TMEM120A: variants seen among roughly 807,000 people sequenced by gnomAD.
The protein encoded by TMEM120A is ion channel TACAN.
In TMEM120A, 45 loss-of-function variants were observed where a neutral mutation model predicts 54.3. That is an observed-to-expected ratio of 0.83 (90% CI 0.65 to 1.06). TMEM120A has a LOEUF of 1.06. TMEM120A is among the 50% of genes least tolerant of loss of function. The pLI is 0.00. For missense variants in TMEM120A, 424 were observed against 441.7 expected (o/e 0.96, Z 0.36); for synonymous variants, 204 against 178.5 (o/e 1.14, Z -1.14).
Position 75,989,038 on chromosome 7 carries a change from G to GGGGACGGCT in TMEM120A, c.377+126_377+127insAGCCGTCCC. On this transcript the variant is annotated intron_variant, in intron 4 of 11. Coordinates refer to ENST00000493111, the MANE Select transcript of TMEM120A (RefSeq NM_031925.3). ...GGGGTGGAGGGGAAGGCCGGGTTGG[G>GGGGACGGCT]GGGTGGAGGGGAAGGCCGGGTTCCG... 14 of 306,260 alleles carry GGGGACGGCT rather than the reference G, an allele frequency of 4.6e-5. 3 individuals carry two copies. The highest frequency in any genetic ancestry group is 6.2e-5 in the Non-Finnish European group (10 of 160,948). 19.0% of individuals were successfully genotyped at this position (306,260 alleles called of 1,614,324 possible).
intron 8 of TMEM120A, 51 bp from the exon 9 acceptor site, chr7:75,987,861 C>T: frequency 6.3e-7 from 1 of 1,598,418 alleles, no homozygotes; most frequent in Admixed American, 1.7e-5. Context: ...GGAGGGGTTC[C>T]CTGCCCCTGC....
intron 3 of TMEM120A, among the ~76,000 whole-genome samples, chr7:75,990,604 G>A (rs1485866070): frequency 2.6e-5 from 4 of 152,046 alleles, no homozygotes; most frequent in African/African-American, 9.7e-5. Flanking sequence ...TCTCCCAGAG[G>A]GCTGGGTGCG....
In TMEM120A at chr7:75,994,499, C is replaced by T. The variant is rs781881415; in HGVS notation, c.72G>A (p.Gln24=). The part of the protein sequence containing the change: ...RDWEDLQQDF[Q]NIQETHRLYR... The stretch of plus-strand genomic sequence containing the variant: ...CCGCAGCGGCGCTAACCTGGATGTT[C>T]TGGAAGTCCTGCTGTAGATCCTCCC... Residue 24 remains glutamine (Q), a synonymous_variant, in exon 1 of 12, where the codon CAG becomes CAA. Coordinates refer to ENST00000493111, the MANE Select transcript of TMEM120A (RefSeq NM_031925.3). 6.4e-7 allele frequency: 1 copy of T among 1,566,750 alleles called. No individual in the cohort carries two copies. The highest frequency in any genetic ancestry group is 1.9e-5 in the Admixed American group (1 of 53,352).
At chr7:75,994,136 C>T (rs1307148758) in intron 1 of TMEM120A, among the ~76,000 whole-genome samples, 1 of 152,230 alleles carries the variant, frequency 6.6e-6, no homozygotes, top group African/African-American at 2.4e-5. Flanking sequence ...GCCTCTCGGG[C>T]GCTGCCCGCT....
At chr7:75,992,696 C>A in intron 1 of TMEM120A, 139 bp from the exon 2 acceptor site, 1 of 641,818 alleles carries the variant, frequency 1.6e-6, no homozygotes, top group Non-Finnish European at 2.7e-6. Flanking sequence ...ACTGTGCCTG[C>A]CCAGGGATGA....
At chr7:75,989,275 A>T in intron 3 of TMEM120A, 51 bp from the exon 4 acceptor site, 1 of 1,237,686 alleles carries the variant, frequency 8.1e-7, no homozygotes. Flanking sequence ...CAGACAAGCC[A>T]CCGGTACTCA....
chr7:75,989,554 G>A (rs1030738623), intron 3 of TMEM120A, among the ~76,000 whole-genome samples: 5 of 128,838 alleles, frequency 3.9e-5, no homozygotes, highest in South Asian at 2.4e-4. Flanking sequence ...CCCTGTCCCC[G>A]ATTGCTCCCC....
Position 75,988,321 on chromosome 7 carries a change from T to C in TMEM120A, c.494A>G (p.Asn165Ser), listed in dbSNP as rs782310318. 4 of 1,612,070 alleles carry C rather than the reference T, an allele frequency of 2.5e-6. No individual in the cohort carries two copies. Among genetic ancestry groups the C allele is most frequent in the South Asian group, 2.2e-5 (2 of 91,054 alleles). The change falls in exon 6 of 12, where the codon AAC (asparagine) becomes AGC (serine). Residue 165 changes from asparagine (N) to serine (S), a missense_variant. Asn to Ser is a conservative substitution (Grantham distance 46). Transcript: ENST00000493111. ...GCAGTAGTACCAGACCAGCAGGAAG[T>C]TGAAGGCAGCATCTGTCACCCTGCG... ...LNSRVTDAAFNFLLVWYYCTL... is the reference protein window; with the variant it reads ...LNSRVTDAAFSFLLVWYYCTL...
chr7:75,994,524 C>T lies in TMEM120A; in HGVS notation c.47G>A (p.Trp16Ter). 8 of 1,565,666 alleles carry T rather than the reference C, an allele frequency of 5.1e-6. 1 individual carries two copies. The highest frequency in any genetic ancestry group is 6.9e-6 in the Non-Finnish European group (8 of 1,156,526). Residue 16 changes from tryptophan to a stop codon, truncating the protein, a stop_gained, in exon 1 of 12, where the codon TGG becomes TAG. Transcript: ENST00000493111. LOFTEE classifies it high-confidence loss of function. ...PGPLGDCLRD[W>*]EDLQQDFQNI... ...CTGGAAGTCCTGCTGTAGATCCTCC[C>T]AGTCCCGCAGGCAGTCGCCCAGCGG...
At chr7:75,987,835 G>A (rs782115220) in intron 8 of TMEM120A, 25 bp from the exon 9 acceptor site, 14 of 1,607,244 alleles carry the variant, frequency 8.7e-6, no homozygotes, top group African/African-American at 1.3e-5. Flanking sequence ...GGACAGAGGA[G>A]CAGGGCTGAG....
rs1439673983 is a variant in TMEM120A, at chr7:75,994,590, A to C, written c.-20T>G. On this transcript the variant is annotated 5_prime_UTR_variant, in exon 1 of 12. Coordinates refer to ENST00000493111, the MANE Select transcript of TMEM120A (RefSeq NM_031925.3). ...CTGCATGGCTGCAGCGCCAGTAGCC[A>C]GTAGTGGAGGACGGCGCAGCAACCC... 1.3e-6 allele frequency: 2 copies of C among 1,516,414 alleles called. No individual in the cohort carries two copies. The highest frequency in any genetic ancestry group is 1.8e-6 in the Non-Finnish European group (2 of 1,130,336). The allele number at this position is 1,516,414 out of a possible 1,614,324, so 93.9% of individuals were successfully genotyped here.
chr7:75,992,673 G>C (rs1016102190), intron 1 of TMEM120A, 116 bp from the exon 2 acceptor site: 8 of 717,818 alleles, frequency 1.1e-5, no homozygotes, highest in African/African-American at 7.1e-5. Flanking sequence ...CGCTCAGCGG[G>C]AAAGGAGGTA....
In TMEM120A at chr7:75,987,730, C is replaced by A; in HGVS notation, c.772G>T (p.Asp258Tyr). ...ACTCCCGACTCACCCACAGTGAGGT[C>A]CATGGTGTGCCGCTCGCCCAGCGCC... ...LRALGERHTMDLTVEGFQSWM... is the reference protein window; with the variant it reads ...LRALGERHTMYLTVEGFQSWM... The change falls in exon 9 of 12, where the codon GAC (aspartate) becomes TAC (tyrosine). Residue 258 changes from aspartate (D) to tyrosine (Y), a missense_variant. Physicochemically the swap from Asp to Tyr is radical, Grantham distance 160. Coordinates refer to ENST00000493111, the MANE Select transcript of TMEM120A (RefSeq NM_031925.3). 2 of 1,612,310 alleles carry A rather than the reference C, an allele frequency of 1.2e-6. No individual in the cohort carries two copies. The highest frequency in any genetic ancestry group is 1.7e-6 in the Non-Finnish European group (2 of 1,179,754).
chr7:75,993,914 G>A (rs1190774527), intron 1 of TMEM120A, among the ~76,000 whole-genome samples: 2 of 152,092 alleles, frequency 1.3e-5, no homozygotes, highest in East Asian at 1.9e-4. Flanking sequence ...TCTGATCTCT[G>A]CCAGGCCAGA....
Position 75,987,046 on chromosome 7 carries a change from G to T in TMEM120A, c.*126C>A, listed in dbSNP as rs781856159. On this transcript the variant is annotated 3_prime_UTR_variant, in exon 12 of 12. Coordinates refer to ENST00000493111, the MANE Select transcript of TMEM120A (RefSeq NM_031925.3). ...CAGGTCTTCCTTCAGGGCCCACAGC[G>T]CCCATAAAACCCAAGGGAGAATAGA... The T allele has an allele frequency of 1.3e-6, 1 of 790,456 alleles. No homozygotes were observed. Among genetic ancestry groups the T allele is most frequent in the Non-Finnish European group, 2.1e-6 (1 of 487,644 alleles). 49.0% of individuals were successfully genotyped at this position (790,456 alleles called of 1,614,324 possible).
At position 75,992,553 on chromosome 7, in the gene TMEM120A, G is replaced by C; in HGVS notation, c.86C>G (p.Thr29Ser). The change falls in exon 2 of 12, where the codon ACC (threonine) becomes AGC (serine). Residue 29 changes from threonine to serine, a missense_variant. Thr to Ser is a moderately conservative substitution (Grantham distance 58). Coordinates refer to ENST00000493111, the MANE Select transcript of TMEM120A (RefSeq NM_031925.3). Reference sequence around the variant, plus strand: ...CAGCTTCAGGCGGTAGAGCCGATGGGTCTCCTGGGGGCCGGAGGGGAGAGG... The same window carrying C: ...CAGCTTCAGGCGGTAGAGCCGATGGCTCTCCTGGGGGCCGGAGGGGAGAGG... Reference protein sequence around the residue: ...LQQDFQNIQETHRLYRLKLEE... With the variant: ...LQQDFQNIQESHRLYRLKLEE... 1.3e-6 allele frequency: 2 copies of C among 1,571,290 alleles called. No individual in the cohort carries two copies. The highest frequency in any genetic ancestry group is 2.3e-5 in the South Asian group (2 of 86,068).
At position 75,991,032 on chromosome 7, in the gene TMEM120A, G is replaced by A. The variant is rs566262637; in HGVS notation, c.317+1112C>T. ...CAAGATGACCCAACTTCCAGGAAGC[G>A]CATCCCCTTCCTTATCACAGGACTG... On this transcript the variant is annotated intron_variant, in intron 3 of 11. Coordinates refer to ENST00000493111, the MANE Select transcript of TMEM120A (RefSeq NM_031925.3). Among the ~76,000 whole-genome samples, 131 of 151,770 alleles carry A rather than the reference G, an allele frequency of 8.6e-4. 1 individual carries two copies. Among genetic ancestry groups the A allele is most frequent in the South Asian group, 5.4e-3 (26 of 4,816 alleles).
rs370283271 is a variant in TMEM120A, at chr7:75,988,400, C to T, written c.473+21G>A. 49 of 1,097,020 alleles carry T rather than the reference C, an allele frequency of 4.5e-5. No homozygotes were observed. The Admixed American group carries it at 4.8e-4, about 11-fold the overall frequency. The allele number at this position is 1,097,020 out of a possible 1,614,324, so 68.0% of individuals were successfully genotyped here. On this transcript the variant is annotated intron_variant, in intron 5 of 11. Transcript: ENST00000493111. ...AGCGACTGGGGATGGGGTGGGTCCT[C>T]GGCCGGGGTGGGACGCCCACCTGGA...
chr7:75,988,612 G>A, intron 4 of TMEM120A, 96 bp from the exon 5 acceptor site: 1 of 631,380 alleles, frequency 1.6e-6, no homozygotes, highest in African/African-American at 3.3e-5. Context: ...TAGTCGGATG[G>A]AGGAGAAGGC....
Sources: allele counts gnomAD v4.1 joint callset (sites outside exome capture counted in the v4.1 genomes callset), GRCh38; gene constraint gnomAD v4.1.1; transcripts MANE v1.5; gene names NCBI Gene and HGNC (gene_info 2026-07-23, HGNC 2026-07-21).